KREMEN1: variants seen among roughly 807,000 people sequenced by gnomAD.
KREMEN1 encodes kremen protein 1.
In KREMEN1, 30 loss-of-function variants were observed where a neutral mutation model predicts 46.5. That is an observed-to-expected ratio of 0.65 (90% confidence interval 0.48 to 0.88). KREMEN1 has a LOEUF of 0.88. Among genes scored for constraint, KREMEN1 ranks in the 40% least tolerant of loss-of-function variants. The pLI, the probability that KREMEN1 is intolerant of heterozygous loss-of-function variation, is 0.00. For synonymous variants in KREMEN1, 214 were observed against 230.6 expected, an observed-to-expected ratio of 0.93 and a Z score of 0.65; for missense variants, 533 against 596.9, an observed-to-expected ratio of 0.89 and a Z score of 1.11.
chr22:29,143,067 T>G lies in KREMEN1; in HGVS notation c.*955T>G. 1.8e-6 allele frequency: 1 copy of G among 558,044 alleles called. No homozygotes were observed. The highest frequency in any genetic ancestry group is 2.3e-6 in the Non-Finnish European group (1 of 439,428). 34.6% of individuals were successfully genotyped at this position (558,044 alleles called of 1,614,324 possible). ...CAGAAGGCTGAGACAGAAGAACAGC[T>G]TGAACCCAGGAGGCTGAGATTGCAG... On this transcript the variant is annotated 3_prime_UTR_variant, in exon 9 of 9. Coordinates refer to ENST00000400335, the MANE Select transcript of KREMEN1 (RefSeq NM_001039570.3).
At chr22:29,098,667 T>C (rs936269336) in intron 2 of KREMEN1, among the ~76,000 whole-genome samples, 195 bp from the exon 3 acceptor site, 22 of 152,240 alleles carry the variant, frequency 1.4e-4, no homozygotes, top group Admixed American at 1.4e-3. Context: ...CTCTGAAGTA[T>C]ATGTCAGAAT....
intron 8 of KREMEN1, among the ~76,000 whole-genome samples, chr22:29,141,545 C>T (rs193093419): frequency 1.1e-3 from 170 of 152,304 alleles, no homozygotes; most frequent in Non-Finnish European, 1.6e-3. Context: ...GGAGGCTAGA[C>T]GGGTCTCTGC....
intron 3 of KREMEN1, among the ~76,000 whole-genome samples, chr22:29,117,679 T>C (rs993724025): frequency 2.0e-5 from 3 of 152,212 alleles, no homozygotes; most frequent in Non-Finnish European, 2.9e-5. Flanking sequence ...CTCATTTGTG[T>C]TTTGTTATAT....
chr22:29,133,482 A>G (rs900224722), intron 5 of KREMEN1, among the ~76,000 whole-genome samples: 1 of 151,776 alleles, frequency 6.6e-6, no homozygotes, highest in Non-Finnish European at 1.5e-5. Context: ...TTAATTTTGT[A>G]TAGAGATAGG....
At chr22:29,155,828 G>A (rs536425209) in intron 9 of KREMEN1, among the ~76,000 whole-genome samples, 34 of 151,836 alleles carry the variant, frequency 2.2e-4, no homozygotes, top group Non-Finnish European at 4.9e-4. Context: ...GTGTGGTGGC[G>A]CGTGCCTGTA....
intron 5 of KREMEN1, among the ~76,000 whole-genome samples, chr22:29,129,508 A>G (rs765520938): frequency 6.6e-6 from 1 of 152,018 alleles, no homozygotes; most frequent in Non-Finnish European, 1.5e-5. Flanking sequence ...CCCTAAAGAT[A>G]TTGGAGAAGT....
Position 29,140,270 on chromosome 22 carries a change from T to C in KREMEN1, c.1124-12T>C. ...AAACAAGTCTGGTAAGCTCTGTCTT[T>C]TGCACTTGCAGGATGGACAGTCTAT... On this transcript the variant is annotated splice_polypyrimidine_tract_variant and intron_variant, in intron 7 of 8. Transcript: ENST00000400335. 2 of 1,611,186 alleles carry C rather than the reference T, an allele frequency of 1.2e-6. No individual in the cohort carries two copies. Among genetic ancestry groups the C allele is most frequent in the South Asian group, 1.1e-5 (1 of 91,024 alleles).
intron 8 of KREMEN1, among the ~76,000 whole-genome samples, chr22:29,141,247 G>C (rs1480989066): frequency 2.7e-5 from 4 of 150,284 alleles, no homozygotes; most frequent in African/African-American, 9.9e-5. Context: ...GTGTGTGTGT[G>C]TGTCTGCATG....
At position 29,146,304 on chromosome 22, in the gene KREMEN1, G is replaced by A. The variant is rs2038861760; in HGVS notation, c.*4192G>A. On this transcript the variant is annotated 3_prime_UTR_variant, in exon 9 of 9. Coordinates refer to ENST00000400335, the MANE Select transcript of KREMEN1 (RefSeq NM_001039570.3). Reference sequence around the variant, plus strand: ...TTTTTCAAGCCTTCCAGCCACAGCTGTCTCCCCTCAGGCTGGACGGCTCCG... The same window carrying A: ...TTTTTCAAGCCTTCCAGCCACAGCTATCTCCCCTCAGGCTGGACGGCTCCG... 2 of 985,814 alleles carry A rather than the reference G, an allele frequency of 2.0e-6. No homozygotes were observed. The highest frequency in any genetic ancestry group is 2.4e-6 in the Non-Finnish European group (2 of 830,018). The allele number at this position is 985,814 out of a possible 1,614,324, so 61.1% of individuals were successfully genotyped here. A position where few individuals can be genotyped will look rare whatever the true frequency, so the allele number is the denominator to read the frequency against.
At chr22:29,155,273 G>A (rs915144003) in intron 9 of KREMEN1, among the ~76,000 whole-genome samples, 2 of 152,176 alleles carry the variant, frequency 1.3e-5, no homozygotes, top group African/African-American at 4.8e-5. Context: ...AGTTGCTTAC[G>A]CCTGTAATCC....
At chr22:29,083,199 A>T (rs1278314159) in intron 1 of KREMEN1, among the ~76,000 whole-genome samples, 1 of 152,226 alleles carries the variant, frequency 6.6e-6, no homozygotes, top group Non-Finnish European at 1.5e-5. Flanking sequence ...AGGTAGATTT[A>T]TTTGTGCTCA....
intron 3 of KREMEN1, among the ~76,000 whole-genome samples, chr22:29,112,494 G>T (rs1421634254): frequency 6.6e-6 from 1 of 152,208 alleles, no homozygotes; most frequent in Non-Finnish European, 1.5e-5. Context: ...GGGCCTGCCT[G>T]ATTGCTTCCC....
chr22:29,098,629 A>G (rs1177754108), intron 2 of KREMEN1, among the ~76,000 whole-genome samples: 1 of 152,190 alleles, frequency 6.6e-6, no homozygotes, highest in Non-Finnish European at 1.5e-5. Context: ...GCCCAAACAT[A>G]TATTACCTTT....
chr22:29,075,004 C>T (rs1841129890), intron 1 of KREMEN1, among the ~76,000 whole-genome samples: 1 of 152,136 alleles, frequency 6.6e-6, no homozygotes, highest in African/African-American at 2.4e-5. Context: ...TAAGAGCTTT[C>T]GGTCTGATTC....
chr22:29,099,215 C>A, intron 3 of KREMEN1: 1 of 368,694 alleles, frequency 2.7e-6, no homozygotes. Context: ...TGGTTAATTT[C>A]TGATTCTTTC....
intron 9 of KREMEN1, among the ~76,000 whole-genome samples, chr22:29,166,225 CT>C (rs60849888): frequency 0.12 from 16,672 of 144,342 alleles, 1,298 homozygotes; most frequent in African/African-American, 0.22. Flanking sequence ...CCAGATGGCT[CT>C]TTTTTTTTTT....
At chr22:29,112,121 C>T (rs528568837) in intron 3 of KREMEN1, among the ~76,000 whole-genome samples, 6 of 152,168 alleles carry the variant, frequency 3.9e-5, no homozygotes, top group South Asian at 2.1e-4. Context: ...TCTTCCTCTT[C>T]GTGGACCAGC....
intron 7 of KREMEN1, among the ~76,000 whole-genome samples, chr22:29,139,589 T>G (rs1388655100): frequency 6.6e-6 from 1 of 152,038 alleles, no homozygotes; most frequent in Admixed American, 6.6e-5. Context: ...GGTGACAGAA[T>G]GAGACCTTGT....
At chr22:29,130,535 A>G (rs2038515476) in intron 5 of KREMEN1, among the ~76,000 whole-genome samples, 1 of 152,222 alleles carries the variant, frequency 6.6e-6, no homozygotes, top group Non-Finnish European at 1.5e-5. Flanking sequence ...CTTGGGTGCC[A>G]AGAAAGAGTA....
Sources: gnomAD v4.1 joint callset for allele counts (sites outside exome capture counted in the v4.1 genomes callset) on GRCh38, gnomAD v4.1.1 for gene constraint, MANE v1.5 for transcripts, NCBI Gene and HGNC (gene_info 2026-07-23, HGNC 2026-07-21) for gene names.